Variants in SLC25A48 observed in about 807,000 individuals in gnomAD.
SLC25A48 encodes solute carrier family 25 member 48, also known as CTC-321K16.1.
In SLC25A48, 29 loss-of-function variants were observed where a neutral mutation model predicts 32.2. The observed-to-expected ratio is 0.90, with a 90% CI of 0.67 to 1.23. SLC25A48 has a LOEUF of 1.23. Among genes scored for constraint, SLC25A48 ranks in the 50% most tolerant of loss-of-function variants. The probability of loss-of-function intolerance (pLI) is 0.00; values close to 1 mark genes in which losing one functional copy is unlikely to be tolerated. For synonymous variants in SLC25A48, 164 were observed against 172.3 expected, an observed-to-expected ratio of 0.95 and a Z score of 0.38; for missense variants, 399 against 422.7, an observed-to-expected ratio of 0.94 and a Z score of 0.49.
At chr5:135,665,408 T>C (rs1054398168) in intron 3 of SLC25A48, among the ~76,000 whole-genome samples, 14 of 152,248 alleles carry the variant, frequency 9.2e-5, no homozygotes, top group African/African-American at 3.4e-4. Context: ...TCTTTTGCTG[T>C]ACAAAAGCTT....
chr5:135,769,502 T>C (rs1383574081), intron 3 of SLC25A48, among the ~76,000 whole-genome samples: 1 of 151,726 alleles, frequency 6.6e-6, no homozygotes, highest in East Asian at 1.9e-4. Context: ...AGGAAGGTAT[T>C]ACTCCTAATA....
chr5:135,842,288 C>G, intron 1 of SLC25A48, 128 bp from the exon 2 acceptor site: 1 of 902,022 alleles, frequency 1.1e-6, no homozygotes, highest in Non-Finnish European at 1.8e-6. Flanking sequence ...CACATTGGAG[C>G]CCACCCACTC....
chr5:135,665,843 A>G (rs539343587), intron 3 of SLC25A48, among the ~76,000 whole-genome samples: 4 of 151,550 alleles, frequency 2.6e-5, no homozygotes, highest in African/African-American at 9.7e-5. Context: ...TGCTCCCAAT[A>G]TGATGAAATG....
At chr5:135,754,261 T>C (rs1234734168) in intron 3 of SLC25A48, among the ~76,000 whole-genome samples, 3 of 150,726 alleles carry the variant, frequency 2.0e-5, no homozygotes, top group Admixed American at 6.7e-5. Flanking sequence ...CTCAAGGGTA[T>C]TATTATGCAG....
At chr5:135,750,916 A>G (rs1755755570) in intron 3 of SLC25A48, among the ~76,000 whole-genome samples, 1 of 152,166 alleles carries the variant, frequency 6.6e-6, no homozygotes, top group South Asian at 2.1e-4. Context: ...CTCTCCTGCA[A>G]TCACTAGGAG....
chr5:135,720,220 T>C (rs1463352610), intron 3 of SLC25A48, among the ~76,000 whole-genome samples: 1 of 152,228 alleles, frequency 6.6e-6, no homozygotes, highest in Non-Finnish European at 1.5e-5. Flanking sequence ...TCAGACCCAT[T>C]CTTGGGTCCA....
chr5:135,682,519 A>C (rs1030615570), intron 3 of SLC25A48, among the ~76,000 whole-genome samples: 1 of 152,214 alleles, frequency 6.6e-6, no homozygotes, highest in African/African-American at 2.4e-5. Context: ...CATGTATGTC[A>C]TATGCTTGCA....
At chr5:135,631,644 C>T (rs185819645) in intron 2 of SLC25A48, among the ~76,000 whole-genome samples, 194 of 152,334 alleles carry the variant, frequency 1.3e-3, no homozygotes, top group South Asian at 8.3e-3. Context: ...TTTGTCTCCC[C>T]GGATCAGCAT....
At chr5:135,585,772 A>T (rs147321901) in intron 1 of SLC25A48, among the ~76,000 whole-genome samples, 232 of 152,206 alleles carry the variant, frequency 1.5e-3, no homozygotes, top group African/African-American at 5.3e-3. Context: ...GAAGATAATA[A>T]TAATAATAAT....
At chr5:135,797,183 C>T (rs531267372) in intron 3 of SLC25A48, among the ~76,000 whole-genome samples, 3 of 151,996 alleles carry the variant, frequency 2.0e-5, no homozygotes, top group South Asian at 2.1e-4. Flanking sequence ...TGATAATACT[C>T]CCAATATCGC....
chr5:135,672,667 G>C (rs1753683008), intron 3 of SLC25A48, among the ~76,000 whole-genome samples: 1 of 152,124 alleles, frequency 6.6e-6, no homozygotes, highest in African/African-American at 2.4e-5. Context: ...AACATCCCCT[G>C]TTTTTTTCGT....
At chr5:135,705,186 G>A (rs1187217789) in intron 3 of SLC25A48, among the ~76,000 whole-genome samples, 2 of 152,130 alleles carry the variant, frequency 1.3e-5, no homozygotes, top group Non-Finnish European at 1.5e-5. Context: ...TTGATTCAGA[G>A]CTCCATTCAG....
chr5:135,789,433 A>C (rs1756962493), intron 3 of SLC25A48, among the ~76,000 whole-genome samples: 1 of 151,040 alleles, frequency 6.6e-6, no homozygotes, highest in Non-Finnish European at 1.5e-5. Context: ...ACCCCACTGC[A>C]ATATGGTTTG....
intron 3 of SLC25A48, among the ~76,000 whole-genome samples, chr5:135,666,264 G>A (rs1472780750): frequency 6.6e-6 from 1 of 152,228 alleles, no homozygotes; most frequent in African/African-American, 2.4e-5. Context: ...GTGAGACTAT[G>A]TATTTAAGTG....
At chr5:135,732,832 G>T (rs62364626) in intron 3 of SLC25A48, among the ~76,000 whole-genome samples, 3 of 152,184 alleles carry the variant, frequency 2.0e-5, no homozygotes, top group Non-Finnish European at 2.9e-5. Context: ...AAAAACTGCC[G>T]TGAGGGATAG....
At chr5:135,819,923 A>C (rs1334011644) in intron 4 of SLC25A48, among the ~76,000 whole-genome samples, 1 of 152,164 alleles carries the variant, frequency 6.6e-6, no homozygotes, top group Non-Finnish European at 1.5e-5. Context: ...AGTGGTGGTA[A>C]GAATGTGAAG....
chr5:135,820,305 A>G (rs934763200), intron 4 of SLC25A48, among the ~76,000 whole-genome samples: 1 of 152,246 alleles, frequency 6.6e-6, no homozygotes, highest in African/African-American at 2.4e-5. Context: ...CACTAGGCAC[A>G]AAAGAACATG....
At chr5:135,655,969 C>A (rs903985488) in intron 3 of SLC25A48, among the ~76,000 whole-genome samples, 2 of 152,124 alleles carry the variant, frequency 1.3e-5, no homozygotes, top group Non-Finnish European at 2.9e-5. Flanking sequence ...TGCATGATTG[C>A]CCTCTTTCTG....
intron 3 of SLC25A48, among the ~76,000 whole-genome samples, chr5:135,741,363 A>G (rs1755498109): frequency 6.6e-6 from 1 of 152,234 alleles, no homozygotes; most frequent in Middle Eastern, 3.2e-3. Flanking sequence ...CATTTTCCGC[A>G]AGGGCCAATA....
Sources: gnomAD v4.1 joint callset for allele counts (sites outside exome capture counted in the v4.1 genomes callset) on GRCh38, gnomAD v4.1.1 for gene constraint, MANE v1.5 for transcripts, NCBI Gene and HGNC (gene_info 2026-07-23, HGNC 2026-07-21) for gene names.